GPD2: variants seen among roughly 807,000 people sequenced by gnomAD.
GPD2 encodes the protein glycerol-3-phosphate dehydrogenase, mitochondrial.
GPD2 carries 54 observed loss-of-function variants against 82.4 expected under a neutral mutation model. The observed-to-expected ratio is 0.66, with a 90% CI of 0.53 to 0.82. GPD2 has a LOEUF of 0.82. GPD2 is among the 40% of genes least tolerant of loss of function. The pLI is 0.00. For missense variants in GPD2, 748 were observed against 896.2 expected, an observed-to-expected ratio of 0.83 and a Z score of 2.11; for synonymous variants, 288 against 306.1, an observed-to-expected ratio of 0.94 and a Z score of 0.62.
At chr2:156,477,133 TA>T (rs1558917806) in intron 2 of GPD2, among the ~76,000 whole-genome samples, 1 of 152,158 alleles carries the variant, frequency 6.6e-6, no homozygotes, top group Admixed American at 6.6e-5. Flanking sequence ...AGGATCACTT[TA>T]AAAACACATA....
intron 6 of GPD2, among the ~76,000 whole-genome samples, chr2:156,537,216 C>G (rs546812536): frequency 6.6e-6 from 1 of 152,262 alleles, no homozygotes; most frequent in African/African-American, 2.4e-5. Context: ...TGTATAATGC[C>G]AGGGGCTGCC....
chr2:156,460,751 C>T (rs1042453240), intron 1 of GPD2, among the ~76,000 whole-genome samples: 1 of 152,196 alleles, frequency 6.6e-6, no homozygotes, highest in South Asian at 2.1e-4. Flanking sequence ...ATGACACTGT[C>T]TGTTCATTGT....
the GPD2 span, among the ~76,000 whole-genome samples, chr2:156,400,794 C>T: frequency 1.3e-5 from 2 of 152,216 alleles, no homozygotes; most frequent in Admixed American, 6.5e-5. Flanking sequence ...TGGTAGAGCG[C>T]GCGCTTCGCA....
At chr2:156,457,710 G>T (rs1346625491) in intron 1 of GPD2, among the ~76,000 whole-genome samples, 1 of 152,322 alleles carries the variant, frequency 6.6e-6, no homozygotes, top group Non-Finnish European at 1.5e-5. Context: ...GTTGTGGCCC[G>T]ATGGAAATTG....
chr2:156,446,919 A>G (rs1226915120), intron 1 of GPD2, among the ~76,000 whole-genome samples: 3 of 151,006 alleles, frequency 2.0e-5, no homozygotes, highest in Admixed American at 1.3e-4. Flanking sequence ...TCTCCTTTCC[A>G]CATCATTTTT....
chr2:156,505,585 T>C (rs1264730703), intron 3 of GPD2, among the ~76,000 whole-genome samples: 2 of 152,172 alleles, frequency 1.3e-5, no homozygotes, highest in Admixed American at 6.5e-5. Context: ...ATTTAGTGAA[T>C]TACCTTCACT....
At chr2:156,554,226 G>C (rs900248256) in intron 8 of GPD2, among the ~76,000 whole-genome samples, 4 of 152,190 alleles carry the variant, frequency 2.6e-5, no homozygotes, top group African/African-American at 9.7e-5. Context: ...ATGACTCTGT[G>C]GTATCATCAG....
the GPD2 span, among the ~76,000 whole-genome samples, chr2:156,412,437 TA>T: frequency 2.0e-4 from 29 of 143,096 alleles, no homozygotes; most frequent in African/African-American, 2.6e-4. Context: ...ACTTCGTCTG[TA>T]AAAAAAAAAA....
the GPD2 span, among the ~76,000 whole-genome samples, chr2:156,401,318 A>G: frequency 2.6e-5 from 4 of 152,250 alleles, no homozygotes; most frequent in African/African-American, 9.6e-5. Context: ...AGAGAAAGCA[A>G]TTAAATTTTT....
At chr2:156,576,051 C>T (rs1388274081) in intron 13 of GPD2, among the ~76,000 whole-genome samples, 2 of 152,066 alleles carry the variant, frequency 1.3e-5, no homozygotes, top group Non-Finnish European at 2.9e-5. Context: ...AATGGCAAAC[C>T]TTACATTAGG....
the GPD2 span, among the ~76,000 whole-genome samples, chr2:156,402,608 A>G: frequency 6.6e-6 from 1 of 152,196 alleles, no homozygotes; most frequent in Non-Finnish European, 1.5e-5. Flanking sequence ...CCTCACTTTC[A>G]TGGTGGGGAC....
Position 156,442,862 on chromosome 2 carries a change from GC to G in GPD2, c.-9+6352del, listed in dbSNP as rs1682224883. Among the ~76,000 whole-genome samples, 4 of 152,246 alleles carry G rather than the reference GC, an allele frequency of 2.6e-5. No homozygotes were observed. The South Asian group carries it at 8.3e-4, about 32-fold the overall frequency. On this transcript the variant is annotated intron_variant, in intron 1 of 16. Transcript: ENST00000438166. ...GGATGTTTTGTTTCATTGTGGTAATGCCCAAACTGCTTTGATCATGTCACTC... is the reference window on the plus strand; with the variant it reads ...GGATGTTTTGTTTCATTGTGGTAATGCCAAACTGCTTTGATCATGTCACTC...
the GPD2 span, among the ~76,000 whole-genome samples, chr2:156,407,166 C>G: frequency 6.6e-6 from 1 of 152,162 alleles, no homozygotes; most frequent in East Asian, 1.9e-4. Flanking sequence ...GAGCTGAGAT[C>G]GCACCACTGC....
At chr2:156,440,965 A>G (rs1218157889) in intron 1 of GPD2, among the ~76,000 whole-genome samples, 1 of 152,198 alleles carries the variant, frequency 6.6e-6, no homozygotes, top group Non-Finnish European at 1.5e-5. Flanking sequence ...AGAGGAACCA[A>G]CTATGTAATT....
intron 6 of GPD2, among the ~76,000 whole-genome samples, chr2:156,535,901 G>A (rs1295838847): frequency 6.6e-6 from 1 of 152,128 alleles, no homozygotes; most frequent in East Asian, 1.9e-4. Context: ...AGAGAGAGAG[G>A]AATAGCCAAA....
chr2:156,424,387 G>T, the GPD2 span, among the ~76,000 whole-genome samples: 1 of 152,078 alleles, frequency 6.6e-6, no homozygotes, highest in Non-Finnish European at 1.5e-5. Flanking sequence ...AGTGTTCTAG[G>T]ATAATTATTA....
chr2:156,455,923 T>G (rs1314419953), intron 1 of GPD2, among the ~76,000 whole-genome samples: 4 of 152,226 alleles, frequency 2.6e-5, no homozygotes, highest in Admixed American at 2.6e-4. Context: ...TGCCTTTGTT[T>G]GGTGAAATCT....
chr2:156,556,586 C>A (rs3769371), intron 8 of GPD2, among the ~76,000 whole-genome samples: 108,852 of 151,976 alleles, frequency 0.72, 39,059 homozygotes, highest in Middle Eastern at 0.82. Flanking sequence ...TTTTGACTAT[C>A]GTTTTGGGAG....
chr2:156,508,750 TAGA>T (rs1355990089), intron 3 of GPD2, among the ~76,000 whole-genome samples: 2 of 152,204 alleles, frequency 1.3e-5, no homozygotes, highest in Non-Finnish European at 2.9e-5. Flanking sequence ...ATTTTAGTGC[TAGA>T]AGAAGAACTC....
Sources: allele counts gnomAD v4.1 joint callset (sites outside exome capture counted in the v4.1 genomes callset), GRCh38; gene constraint gnomAD v4.1.1; transcripts MANE v1.5; gene names NCBI Gene and HGNC (gene_info 2026-07-23, HGNC 2026-07-21).